KCNMB2: variants seen among roughly 807,000 people sequenced by gnomAD.
KCNMB2 encodes the protein potassium calcium-activated channel subfamily M regulatory beta subunit 2.
KCNMB2 carries 9 observed loss-of-function variants against 24.5 expected under a neutral mutation model. That is an observed-to-expected ratio of 0.37 (90% CI 0.22 to 0.64). KCNMB2 has a LOEUF of 0.64. Ranked by LOEUF, KCNMB2 falls within the 30% of genes least tolerant of loss-of-function variation. The pLI is 0.63. For missense variants in KCNMB2, 226 were observed against 284.3 expected, an observed-to-expected ratio of 0.79 and a Z score of 1.47; for synonymous variants, 109 against 104.4, an observed-to-expected ratio of 1.04 and a Z score of -0.27.
At chr3:178,781,417 C>A (rs924750191) in intron 1 of KCNMB2, among the ~76,000 whole-genome samples, 1 of 151,368 alleles carries the variant, frequency 6.6e-6, no homozygotes, top group East Asian at 1.9e-4. Flanking sequence ...CATGGTGAAA[C>A]CCCGTCTCTA....
intron 1 of KCNMB2, among the ~76,000 whole-genome samples, chr3:178,755,767 T>G (rs1327003224): frequency 2.0e-5 from 3 of 152,244 alleles, no homozygotes; most frequent in African/African-American, 7.2e-5. Context: ...CTGTATCAAC[T>G]ACAATACAAC....
chr3:178,610,592 T>C (rs1403062707), intron 1 of KCNMB2, among the ~76,000 whole-genome samples: 3 of 152,258 alleles, frequency 2.0e-5, no homozygotes, highest in Non-Finnish European at 4.4e-5. Flanking sequence ...GATTTCTGTA[T>C]GTTGACTCTG....
At chr3:178,585,965 G>C (rs6443549) in intron 1 of KCNMB2, among the ~76,000 whole-genome samples, 55,007 of 152,002 alleles carry the variant, frequency 0.36, 10,326 homozygotes, top group African/African-American at 0.48. Context: ...AGAAGGTAAG[G>C]CCTTTGATAA....
Position 178,569,961 on chromosome 3 carries a change from C to T in KCNMB2, c.-68+33250C>T, listed in dbSNP as rs532099484. Among the ~76,000 whole-genome samples, 9 of 152,184 alleles carry T rather than the reference C, an allele frequency of 5.9e-5. No homozygotes were observed. In the South Asian group the frequency reaches 6.2e-4, roughly 11 times the overall value. ...TTAAAACTGTGTTATTATCTTGAAA[C>T]GCAACTCCTATAGTATTCATTGCAA... On this transcript the variant is annotated intron_variant, in intron 1 of 4. Transcript: ENST00000452583.
chr3:178,773,576 T>G (rs1712463227), intron 1 of KCNMB2, among the ~76,000 whole-genome samples: 1 of 152,152 alleles, frequency 6.6e-6, no homozygotes, highest in East Asian at 1.9e-4. Context: ...TCTTGGGAAT[T>G]ACCATATATG....
chr3:178,555,920 G>T (rs1264613378), intron 1 of KCNMB2, among the ~76,000 whole-genome samples: 1 of 152,196 alleles, frequency 6.6e-6, no homozygotes, highest in Admixed American at 6.5e-5. Context: ...ATCATGGAAG[G>T]CTGCATATTT....
chr3:178,663,692 C>G (rs1022594596), intron 1 of KCNMB2, among the ~76,000 whole-genome samples: 15 of 152,036 alleles, frequency 9.9e-5, no homozygotes, highest in African/African-American at 3.6e-4. Context: ...AAAATGATAC[C>G]AATGCATTAA....
chr3:178,722,696 C>T (rs2108359932), intron 1 of KCNMB2, among the ~76,000 whole-genome samples: 1 of 152,194 alleles, frequency 6.6e-6, no homozygotes, highest in Middle Eastern at 3.4e-3. Flanking sequence ...AGTTCAAGAC[C>T]AGCCTGGGCA....
intron 1 of KCNMB2, among the ~76,000 whole-genome samples, chr3:178,563,072 A>C (rs1365103355): frequency 1.3e-5 from 2 of 152,260 alleles, no homozygotes; most frequent in Non-Finnish European, 2.9e-5. Flanking sequence ...ATAACTCACA[A>C]CTGTGCAGCA....
chr3:178,684,124 A>G (rs1003265102), intron 1 of KCNMB2, among the ~76,000 whole-genome samples: 5 of 152,164 alleles, frequency 3.3e-5, no homozygotes, highest in Non-Finnish European at 7.4e-5. Context: ...AGATGAATGG[A>G]TAAAGAAACT....
chr3:178,823,224 G>A (rs182695511), intron 2 of KCNMB2, among the ~76,000 whole-genome samples: 6 of 152,350 alleles, frequency 3.9e-5, no homozygotes, highest in Non-Finnish European at 7.3e-5. Context: ...GAAACACAGA[G>A]GGTGGGTGGT....
At chr3:178,797,766 G>A (rs1001925513) in intron 1 of KCNMB2, among the ~76,000 whole-genome samples, 18 of 152,204 alleles carry the variant, frequency 1.2e-4, no homozygotes, top group Admixed American at 7.2e-4. Context: ...TCCTATCCAT[G>A]AGCATGAATA....
intron 1 of KCNMB2, among the ~76,000 whole-genome samples, chr3:178,630,227 G>C (rs531058061): frequency 7.9e-4 from 121 of 152,324 alleles, no homozygotes; most frequent in African/African-American, 2.8e-3. Context: ...AGGATGGCTT[G>C]CTTGGGCTTT....
At chr3:178,803,434 C>G (rs1713848658) in intron 1 of KCNMB2, among the ~76,000 whole-genome samples, 1 of 152,058 alleles carries the variant, frequency 6.6e-6, no homozygotes, top group African/African-American at 2.4e-5. Context: ...AGGGAAGGGT[C>G]AGAAAGGAAA....
intron 1 of KCNMB2, among the ~76,000 whole-genome samples, chr3:178,621,759 T>C (rs1304121566): frequency 6.6e-6 from 1 of 152,202 alleles, no homozygotes; most frequent in Non-Finnish European, 1.5e-5. Flanking sequence ...AAAAAACACA[T>C]AAGTAGACAT....
chr3:178,598,052 C>CAA (rs57155254), intron 1 of KCNMB2, among the ~76,000 whole-genome samples: 2,807 of 140,802 alleles, frequency 0.02, 89 homozygotes, highest in African/African-American at 0.068. Context: ...AAAAACAAAA[C>CAA]AAAAAAAAAA....
chr3:178,726,771 T>C (rs894970876), intron 1 of KCNMB2, among the ~76,000 whole-genome samples: 3 of 152,124 alleles, frequency 2.0e-5, no homozygotes, highest in African/African-American at 4.8e-5. Context: ...AAAGTTTCTA[T>C]AGCAAACATA....
intron 3 of KCNMB2, among the ~76,000 whole-genome samples, chr3:178,826,281 C>A (rs981603990): frequency 6.6e-6 from 1 of 152,180 alleles, no homozygotes; most frequent in African/African-American, 2.4e-5. Context: ...AATACCCAGC[C>A]CCCATCATCA....
At chr3:178,796,616 C>T (rs967063474) in intron 1 of KCNMB2, among the ~76,000 whole-genome samples, 1 of 151,990 alleles carries the variant, frequency 6.6e-6, no homozygotes, top group Non-Finnish European at 1.5e-5. Context: ...GGAAACTATA[C>T]AAATGTATGG....
Sources: allele counts gnomAD v4.1 joint callset (sites outside exome capture counted in the v4.1 genomes callset), GRCh38; gene constraint gnomAD v4.1.1; transcripts MANE v1.5; gene names NCBI Gene and HGNC (gene_info 2026-07-23, HGNC 2026-07-21).